The following CUX1 variants were observed in gnomAD, a reference collection of about 807,000 sequenced individuals.
The protein encoded by CUX1 is protein CASP.
CUX1 carries 31 observed loss-of-function variants against 158.8 expected under a neutral mutation model. The ratio of observed to expected loss-of-function variants is 0.20; its 90% confidence interval spans 0.15 to 0.26. The LOEUF (loss-of-function observed/expected upper bound fraction) is 0.26, where lower values mean the gene tolerates loss of function less well. Ranked by LOEUF, CUX1 falls within the 10% of genes least tolerant of loss-of-function variation. The pLI, the probability that CUX1 is intolerant of heterozygous loss-of-function variation, is 1.00. For synonymous variants in CUX1, 879 were observed against 862.1 expected, an observed-to-expected ratio of 1.02 and a Z score of -0.34; for missense variants, 1,589 against 2,014.6, an observed-to-expected ratio of 0.79 and a Z score of 4.04.
chr7:101,987,349 C>T (rs1814450805), intron 2 of CUX1, among the ~76,000 whole-genome samples: 1 of 152,212 alleles, frequency 6.6e-6, no homozygotes, highest in Non-Finnish European at 1.5e-5. Flanking sequence ...CCGCTGCTCA[C>T]TCACGGCTCA....
intron 12 of CUX1, among the ~76,000 whole-genome samples, chr7:102,192,413 C>T (rs782743291): frequency 3.9e-5 from 6 of 152,240 alleles, no homozygotes; most frequent in Admixed American, 2.0e-4. Flanking sequence ...TGATTCCCCA[C>T]GGCAACAAGC....
chr7:102,259,820 A>C (rs1323158087), downstream of CUX1, among the ~76,000 whole-genome samples: 3 of 151,512 alleles, frequency 2.0e-5, no homozygotes, highest in East Asian at 3.9e-4. Flanking sequence ...ACAGTGGCTC[A>C]TTCCTGTAAC....
intron 7 of CUX1, among the ~76,000 whole-genome samples, chr7:102,113,772 C>T (rs968538060): frequency 8.6e-5 from 13 of 152,026 alleles, no homozygotes; most frequent in African/African-American, 3.1e-4. Flanking sequence ...CACTGTGTTG[C>T]CCAGGCTGGT....
chr7:102,028,573 G>C (rs1820332990), intron 3 of CUX1, among the ~76,000 whole-genome samples: 1 of 152,212 alleles, frequency 6.6e-6, no homozygotes, highest in South Asian at 2.1e-4. Flanking sequence ...GAGGCCACTT[G>C]ATCACAGGCT....
chr7:102,196,511 A>G, intron 14 of CUX1, 123 bp from the exon 15 acceptor site: 3 of 917,166 alleles, frequency 3.3e-6, no homozygotes, highest in South Asian at 2.3e-5. Context: ...TGGCCCTTGT[A>G]AAAAAAACCT....
chr7:101,927,606 C>T (rs150344827), intron 2 of CUX1, among the ~76,000 whole-genome samples: 2 of 152,018 alleles, frequency 1.3e-5, no homozygotes, highest in Non-Finnish European at 2.9e-5. Context: ...GCTATGATTG[C>T]GTCACTGCAC....
chr7:101,859,338 A>G (rs991669246), intron 1 of CUX1, among the ~76,000 whole-genome samples: 4 of 152,222 alleles, frequency 2.6e-5, no homozygotes, highest in African/African-American at 9.6e-5. Flanking sequence ...AAAATTACCA[A>G]TTGACCGTAT....
In CUX1 at chr7:101,975,973, T is replaced by C. The variant is rs375300864; in HGVS notation, c.142-52125T>C. On this transcript the variant is annotated intron_variant, in intron 2 of 23. Coordinates refer to ENST00000292535, the MANE Select transcript of CUX1 (RefSeq NM_181552.4). ...CTGGCCAACATGGTGAAACCCCGTC[T>C]CTACTAAAATTAGCCAGGCGTTGTG... Among the ~76,000 whole-genome samples, 5 of 152,236 alleles carry C rather than the reference T, an allele frequency of 3.3e-5. No individual in the cohort carries two copies. The East Asian group carries it at 7.7e-4, about 24-fold the overall frequency.
chr7:101,944,706 G>C (rs1254253537), intron 2 of CUX1, among the ~76,000 whole-genome samples: 1 of 152,210 alleles, frequency 6.6e-6, no homozygotes, highest in Non-Finnish European at 1.5e-5. Flanking sequence ...TATGTTCATG[G>C]GTGATTCTGT....
intron 4 of CUX1, 129 bp from the exon 5 acceptor site, chr7:102,097,235 G>A (rs1585654242): frequency 9.0e-7 from 1 of 1,107,480 alleles, no homozygotes; most frequent in South Asian, 1.7e-5. Flanking sequence ...GGCTGCAGGG[G>A]CATGACTGTG....
intron 1 of CUX1, among the ~76,000 whole-genome samples, chr7:101,891,083 T>C (rs1800833162): frequency 6.6e-6 from 1 of 152,210 alleles, no homozygotes; most frequent in Non-Finnish European, 1.5e-5. Flanking sequence ...ATGGACCCTG[T>C]AATTCTGTTC....
chr7:101,907,833 G>C (rs1382256855), intron 1 of CUX1, among the ~76,000 whole-genome samples: 2 of 152,044 alleles, frequency 1.3e-5, no homozygotes, highest in African/African-American at 4.8e-5. Flanking sequence ...AAATATCAAT[G>C]TTTAGCCAGA....
chr7:101,931,726 A>G (rs751936058), intron 2 of CUX1, among the ~76,000 whole-genome samples: 1 of 151,964 alleles, frequency 6.6e-6, no homozygotes, highest in African/African-American at 2.4e-5. Context: ...ATGGTGTCTG[A>G]CTGATTTTTG....
chr7:102,225,960 A>C (rs1798311092), intron 20 of CUX1, among the ~76,000 whole-genome samples: 1 of 152,284 alleles, frequency 6.6e-6, no homozygotes, highest in Non-Finnish European at 1.5e-5. Flanking sequence ...GAGCTGGGCC[A>C]GGGGCAGATT....
chr7:102,054,321 A>G (rs1032608679), intron 3 of CUX1, among the ~76,000 whole-genome samples: 1 of 152,046 alleles, frequency 6.6e-6, no homozygotes, highest in Admixed American at 6.6e-5. Flanking sequence ...ATTTATTTTG[A>G]GTTAATTTTT....
chr7:102,172,725 T>C (rs1220564680), intron 10 of CUX1, among the ~76,000 whole-genome samples: 4 of 152,144 alleles, frequency 2.6e-5, no homozygotes, highest in Non-Finnish European at 4.4e-5. Flanking sequence ...AAGACTCCCT[T>C]CTAAGAAAAG....
chr7:102,207,126 G>A (rs1796030600), intron 20 of CUX1, among the ~76,000 whole-genome samples: 1 of 152,152 alleles, frequency 6.6e-6, no homozygotes. Flanking sequence ...GAATGTAAAT[G>A]ATATTTGTAA....
At chr7:102,170,921 G>C (rs1554510255) in intron 10 of CUX1, among the ~76,000 whole-genome samples, 1 of 151,678 alleles carries the variant, frequency 6.6e-6, no homozygotes, top group Non-Finnish European at 1.5e-5. Flanking sequence ...AGAAATTGAG[G>C]GTTTCCGCTG....
chr7:102,146,502 A>G (rs1396464278), intron 8 of CUX1, among the ~76,000 whole-genome samples: 1 of 152,354 alleles, frequency 6.6e-6, no homozygotes, highest in Non-Finnish European at 1.5e-5. Context: ...GAACACGTCA[A>G]CTTGTGGGGC....
Sources: gnomAD v4.1 joint callset for allele counts (sites outside exome capture counted in the v4.1 genomes callset) on GRCh38, gnomAD v4.1.1 for gene constraint, MANE v1.5 for transcripts, NCBI Gene and HGNC (gene_info 2026-07-23, HGNC 2026-07-21) for gene names.